PLPPR1: variants seen among roughly 807,000 people sequenced by gnomAD.
The protein encoded by PLPPR1 is phospholipid phosphatase related 1, also known as phospholipid phosphatase-related protein type 1.
PLPPR1 carries 10 observed loss-of-function variants against 33.1 expected under a neutral mutation model. That is an observed-to-expected ratio of 0.30 (90% CI 0.19 to 0.51). PLPPR1 has a LOEUF of 0.51. Among genes scored for constraint, PLPPR1 ranks in the 20% least tolerant of loss-of-function variants. The pLI, the probability that PLPPR1 is intolerant of heterozygous loss-of-function variation, is 0.97. For synonymous variants in PLPPR1, 151 were observed against 151.0 expected (o/e 1.00, Z 0.00); for missense variants, 304 against 408.1 (o/e 0.74, Z 2.20).
intron 1 of PLPPR1, among the ~76,000 whole-genome samples, chr9:101,032,882 C>T (rs1444228968): frequency 6.6e-6 from 1 of 152,166 alleles, no homozygotes; most frequent in East Asian, 1.9e-4. Flanking sequence ...ATGAGCTCAT[C>T]ACTGCATCTT....
intron 1 of PLPPR1, among the ~76,000 whole-genome samples, chr9:101,076,549 A>G (rs10989378): frequency 0.039 from 5,959 of 152,294 alleles, 179 homozygotes; most frequent in East Asian, 0.087. Context: ...GCAAATAGCA[A>G]TTCCCTACTG....
In PLPPR1 at chr9:101,233,946, C is replaced by G. The variant is rs139567114; in HGVS notation, c.64-35934C>G. ...GTAATTCCAAAGTCAGCTAAGGCTA[C>G]TTGACCCTTTAATATCATTATAATA... On this transcript the variant is annotated intron_variant, in intron 2 of 7. Coordinates refer to ENST00000374874, the MANE Select transcript of PLPPR1 (RefSeq NM_207299.2). Among the ~76,000 whole-genome samples the G allele has an allele frequency of 1.1e-4, 17 of 152,074 alleles. No homozygotes were observed. The East Asian group carries it at 1.5e-3, about 14-fold the overall frequency.
rs1175011707 is a variant in PLPPR1 at position 101,246,083 on chromosome 9, T to TAG, written c.64-23796_64-23795insGA. Among the ~76,000 whole-genome samples the TAG allele has an allele frequency of 7.5e-3, 726 of 96,970 alleles. 16 individuals are homozygous for TAG. The highest frequency in any genetic ancestry group is 0.019 in the African/African-American group (583 of 29,950). 63.6% of individuals were successfully genotyped at this position (96,970 alleles called of 152,430 possible). A position where few individuals can be genotyped will look rare whatever the true frequency, so the allele number is the denominator to read the frequency against. On this transcript the variant is annotated intron_variant, in intron 2 of 7. Transcript: ENST00000374874. ...ATATATATATATATATATATATATA[T>TAG]ATATATATATATATATATATATATA...
chr9:101,169,203 T>C (rs1825903688), intron 1 of PLPPR1, among the ~76,000 whole-genome samples: 2 of 152,146 alleles, frequency 1.3e-5, no homozygotes, highest in South Asian at 4.1e-4. Flanking sequence ...TCTGTGTGCT[T>C]CAGTTCTTTC....
chr9:101,215,289 T>A (rs964620190), intron 2 of PLPPR1, among the ~76,000 whole-genome samples: 1 of 151,566 alleles, frequency 6.6e-6, no homozygotes, highest in Non-Finnish European at 1.5e-5. Context: ...CTTTTTTTAT[T>A]TTTTTTTGGA....
At chr9:101,296,223 G>A (rs1261711885) in intron 4 of PLPPR1, among the ~76,000 whole-genome samples, 1 of 151,250 alleles carries the variant, frequency 6.6e-6, no homozygotes, top group East Asian at 1.9e-4. Flanking sequence ...GGCCATCAGA[G>A]AAATGCAAAT....
chr9:101,029,793 CTCTCCT>C (rs1829919817), intron 1 of PLPPR1, among the ~76,000 whole-genome samples: 1 of 152,156 alleles, frequency 6.6e-6, no homozygotes, highest in South Asian at 2.1e-4. Context: ...ACGCTAGGAT[CTCTCCT>C]CCTCAGGGAA....
intron 1 of PLPPR1, among the ~76,000 whole-genome samples, chr9:101,130,524 A>G (rs1258334226): frequency 2.0e-5 from 3 of 152,214 alleles, no homozygotes; most frequent in Non-Finnish European, 2.9e-5. Context: ...ACTATTAGAT[A>G]CATGTTATTA....
chr9:101,147,244 A>G (rs926038474), intron 1 of PLPPR1, among the ~76,000 whole-genome samples: 11 of 152,166 alleles, frequency 7.2e-5, no homozygotes, highest in African/African-American at 2.4e-4. Context: ...TATAATTTGT[A>G]AGGAATGTCT....
At chr9:101,273,928 T>G (rs200495638) in intron 3 of PLPPR1, among the ~76,000 whole-genome samples, 2 of 152,222 alleles carry the variant, frequency 1.3e-5, no homozygotes, top group East Asian at 3.9e-4. Context: ...AAGAATTTTC[T>G]CTCCTCTCAG....
chr9:101,299,534 G>C (rs1471942297), intron 4 of PLPPR1, among the ~76,000 whole-genome samples: 1 of 152,136 alleles, frequency 6.6e-6, no homozygotes, highest in Non-Finnish European at 1.5e-5. Context: ...GAATATTACA[G>C]ATCTGACCAA....
chr9:101,132,755 T>C (rs1346648372), intron 1 of PLPPR1, among the ~76,000 whole-genome samples: 2 of 152,196 alleles, frequency 1.3e-5, no homozygotes, highest in African/African-American at 4.8e-5. Flanking sequence ...TGCATATGTA[T>C]GGGCAGTGGG....
At position 101,303,247 on chromosome 9, in the gene PLPPR1, G is replaced by A. The variant is rs138341680; in HGVS notation, c.386-5964G>A. On this transcript the variant is annotated intron_variant, in intron 4 of 7. Coordinates refer to ENST00000374874, the MANE Select transcript of PLPPR1 (RefSeq NM_207299.2). ...GATCCACCCACCTCTGCCTCCCAAAGTGCTGGGATTACGGGGACAAGCCAC... is the reference window on the plus strand; with the variant it reads ...GATCCACCCACCTCTGCCTCCCAAAATGCTGGGATTACGGGGACAAGCCAC... 4.1e-3 allele frequency among the ~76,000 whole-genome samples: 619 copies of A among 152,024 alleles called. 2 individuals carry two copies. The highest frequency in any genetic ancestry group is 0.014 in the African/African-American group (597 of 41,460).
intron 4 of PLPPR1, 60 bp from the exon 5 acceptor site, chr9:101,309,151 G>A (rs1250980269): frequency 1.3e-6 from 2 of 1,575,120 alleles, no homozygotes; most frequent in Non-Finnish European, 1.7e-6. Context: ...TTTCTCTTAG[G>A]AGAAAAATGC....
chr9:101,234,702 C>A (rs181919002), intron 2 of PLPPR1, among the ~76,000 whole-genome samples: 132 of 152,020 alleles, frequency 8.7e-4, no homozygotes, highest in Non-Finnish European at 1.4e-3. Context: ...CAAATTTAGA[C>A]CAGAATACCT....
intron 1 of PLPPR1, among the ~76,000 whole-genome samples, chr9:101,172,364 A>AC (rs11418132): frequency 2.0e-5 from 3 of 151,158 alleles, no homozygotes; most frequent in Non-Finnish European, 3.0e-5. Flanking sequence ...AAAAAAAAAA[A>AC]CAAAATATGC....
intron 4 of PLPPR1, among the ~76,000 whole-genome samples, chr9:101,300,523 C>T (rs1325807996): frequency 1.3e-5 from 2 of 152,110 alleles, no homozygotes; most frequent in African/African-American, 4.8e-5. Context: ...AAGCAGAGGG[C>T]AACAGTGCCA....
At chr9:101,135,875 G>T (rs773745359) in intron 1 of PLPPR1, among the ~76,000 whole-genome samples, 2 of 152,144 alleles carry the variant, frequency 1.3e-5, no homozygotes, top group African/African-American at 4.8e-5. Context: ...AATGAAGAAA[G>T]GAGCAGCAGG....
At chr9:101,271,741 G>A (rs1215749649) in intron 3 of PLPPR1, among the ~76,000 whole-genome samples, 5 of 152,110 alleles carry the variant, frequency 3.3e-5, no homozygotes, top group Admixed American at 6.5e-5. Flanking sequence ...TAAGCATATC[G>A]CTTTCCTGTG....
Sources: gnomAD v4.1 joint callset for allele counts (sites outside exome capture counted in the v4.1 genomes callset) on GRCh38, gnomAD v4.1.1 for gene constraint, MANE v1.5 for transcripts, NCBI Gene and HGNC (gene_info 2026-07-23, HGNC 2026-07-21) for gene names.